The following PARD3 variants were observed in gnomAD, a reference collection of about 807,000 sequenced individuals.
The protein encoded by PARD3 is partitioning defective 3 homolog.
A neutral mutation model predicts 155.4 loss-of-function variants in PARD3; 75 were observed. The ratio of observed to expected loss-of-function variants is 0.48; its 90% CI spans 0.40 to 0.58. PARD3 has a LOEUF of 0.58. Among genes scored for constraint, PARD3 ranks in the 20% least tolerant of loss-of-function variants. PARD3 has a pLI of 0.00. For synonymous variants in PARD3, 576 were observed against 610.5 expected, an observed-to-expected ratio of 0.94 and a Z score of 0.83; for missense variants, 1,642 against 1,721.7, an observed-to-expected ratio of 0.95 and a Z score of 0.82.
At chr10:34,341,935 T>C (rs1170880491) in intron 15 of PARD3, 119 bp from the exon 16 acceptor site, 15 of 592,658 alleles carry the variant, frequency 2.5e-5, no homozygotes, top group East Asian at 2.9e-5. Flanking sequence ...CTGCTCAACC[T>C]GGTAGAACAA....
At position 34,331,214 on chromosome 10, in the gene PARD3, T is replaced by C; in HGVS notation, c.2736A>G (p.Ile912Met). ...TCTCATTGCATCCCCTGCCTCTGATTATCCGCGGCCGTGGACGATGGAAAG... is the reference window on the plus strand; with the variant it reads ...TCTCATTGCATCCCCTGCCTCTGATCATCCGCGGCCGTGGACGATGGAAAG... ...DIPFHRPRPR[I>M]IRGRGCNESF... The change falls in exon 19 of 25, where the codon ATA (isoleucine) becomes ATG (methionine). Residue 912 changes from isoleucine to methionine, a missense_variant. By Grantham distance (10) the Ile-to-Met change is conservative (BLOSUM62 1). This residue lies in a region of PARD3 where 1,529 missense variants were observed against 1,587.3 expected (regional missense o/e 0.96). Coordinates refer to ENST00000374788, the MANE Select transcript of PARD3 (RefSeq NM_001184785.2). The C allele has an allele frequency of 1.2e-6, 2 of 1,614,066 alleles. No homozygotes were observed. The highest frequency in any genetic ancestry group is 8.5e-7 in the Non-Finnish European group (1 of 1,179,978).
chr10:34,422,272 G>GA (rs1328002192), intron 5 of PARD3, among the ~76,000 whole-genome samples: 22 of 152,200 alleles, frequency 1.4e-4, no homozygotes, highest in African/African-American at 5.3e-4. Flanking sequence ...TCCTCAACCA[G>GA]AAAACTGACG....
chr10:34,345,009 T>C, intron 15 of PARD3: 1 of 985,266 alleles, frequency 1.0e-6, no homozygotes, highest in Non-Finnish European at 1.2e-6. Context: ...TTAGTCACCA[T>C]GGGTGCCAGG....
At chr10:34,793,043 G>C (rs1199780739) in intron 1 of PARD3, among the ~76,000 whole-genome samples, 2 of 152,244 alleles carry the variant, frequency 1.3e-5, no homozygotes, top group African/African-American at 4.8e-5. Flanking sequence ...GGCTGCAGCA[G>C]GGACTGCAGG....
chr10:34,363,707 C>T (rs1458515061), intron 12 of PARD3, among the ~76,000 whole-genome samples: 2 of 152,128 alleles, frequency 1.3e-5, no homozygotes, highest in Non-Finnish European at 2.9e-5. Flanking sequence ...GATCTTTCTA[C>T]AGAAACGCAA....
intron 22 of PARD3, among the ~76,000 whole-genome samples, chr10:34,202,520 C>T (rs930115050): frequency 6.6e-6 from 1 of 152,192 alleles, no homozygotes; most frequent in Non-Finnish European, 1.5e-5. Context: ...ACTGCATAAA[C>T]GACACAGGCA....
At chr10:34,468,949 T>C (rs1393412418) in intron 4 of PARD3, among the ~76,000 whole-genome samples, 1 of 152,236 alleles carries the variant, frequency 6.6e-6, no homozygotes, top group Non-Finnish European at 1.5e-5. Context: ...CTGTGCTAAC[T>C]TACTGGCTGC....
At chr10:34,605,675 A>C (rs1691832081) in intron 2 of PARD3, among the ~76,000 whole-genome samples, 1 of 85,352 alleles carries the variant, frequency 1.2e-5, no homozygotes, top group Non-Finnish European at 1.9e-5. Flanking sequence ...TATATCTCCT[A>C]TATATATATA....
intron 3 of PARD3, among the ~76,000 whole-genome samples, chr10:34,489,064 G>A (rs1182092536): frequency 2.6e-5 from 4 of 152,188 alleles, no homozygotes; most frequent in Non-Finnish European, 5.9e-5. Flanking sequence ...ACAGCTGGGC[G>A]CAATGGTTCA....
chr10:34,470,347 A>G, intron 3 of PARD3, 84 bp from the exon 4 acceptor site: 1 of 1,039,482 alleles, frequency 9.6e-7, no homozygotes, highest in Non-Finnish European at 1.4e-6. Context: ...GAAATCCTAA[A>G]GATTAAGGAA....
intron 2 of PARD3, among the ~76,000 whole-genome samples, chr10:34,608,087 C>G (rs1046571437): frequency 1.3e-5 from 2 of 152,200 alleles, no homozygotes; most frequent in Non-Finnish European, 2.9e-5. Flanking sequence ...CTCTTGCTGG[C>G]TGCTCTCCAA....
intron 2 of PARD3, among the ~76,000 whole-genome samples, chr10:34,536,953 T>C (rs1412637561): frequency 2.0e-5 from 3 of 152,248 alleles, no homozygotes; most frequent in East Asian, 1.9e-4. Context: ...GCTTCAGTGA[T>C]AAACTTAATT....
In PARD3 at chr10:34,111,582, G is replaced by A. The variant is rs1946384099; in HGVS notation, c.3669-20C>T. The A allele has an allele frequency of 6.3e-7, 1 of 1,576,124 alleles. No individual in the cohort carries two copies. Among genetic ancestry groups the A allele is most frequent in the Non-Finnish European group, 8.6e-7 (1 of 1,157,080 alleles). ...CTTTGCCTAGAAAGCAAAACCCAAA[G>A]GTTAGTGTGAGGGTAGGAAGAAGGA... On this transcript the variant is annotated intron_variant, in intron 24 of 24. Coordinates refer to ENST00000374788, the MANE Select transcript of PARD3 (RefSeq NM_001184785.2).
intron 1 of PARD3, among the ~76,000 whole-genome samples, chr10:34,753,743 T>C (rs1836347461): frequency 6.6e-6 from 1 of 152,160 alleles, no homozygotes; most frequent in African/African-American, 2.4e-5. Flanking sequence ...CTTGTATCTC[T>C]AGACCAGCAA....
intron 1 of PARD3, among the ~76,000 whole-genome samples, chr10:34,772,609 T>C (rs1273727228): frequency 1.3e-5 from 2 of 151,606 alleles, no homozygotes; most frequent in African/African-American, 2.4e-5. Flanking sequence ...CTGGCCAACA[T>C]AGAGAAACCC....
intron 2 of PARD3, among the ~76,000 whole-genome samples, chr10:34,665,302 G>C (rs991355495): frequency 6.6e-6 from 1 of 151,626 alleles, no homozygotes; most frequent in Non-Finnish European, 1.5e-5. Context: ...ACCTGAGGTC[G>C]GGAGTTCGAG....
At chr10:34,421,956 C>T (rs541828110) in intron 5 of PARD3, among the ~76,000 whole-genome samples, 8 of 152,114 alleles carry the variant, frequency 5.3e-5, no homozygotes, top group African/African-American at 1.9e-4. Context: ...AGGTGAAATT[C>T]AAGTGAAGAC....
chr10:34,564,730 T>C (rs901524898), intron 2 of PARD3, among the ~76,000 whole-genome samples: 13 of 152,260 alleles, frequency 8.5e-5, no homozygotes, highest in Admixed American at 8.5e-4. Context: ...ATGGATTTTC[T>C]GTTACTTGCA....
intron 3 of PARD3, among the ~76,000 whole-genome samples, chr10:34,504,151 A>G (rs1027546265): frequency 6.6e-6 from 1 of 151,450 alleles, no homozygotes; most frequent in African/African-American, 2.4e-5. Context: ...TTTTTAAGAG[A>G]TGGGGTCTCA....
Sources: gnomAD v4.1 joint callset for allele counts (sites outside exome capture counted in the v4.1 genomes callset) on GRCh38, gnomAD v4.1.1 for gene constraint, gnomAD v4.1.1 regional missense constraint, MANE v1.5 for transcripts, NCBI Gene and HGNC (gene_info 2026-07-23, HGNC 2026-07-21) for gene names.